Variants in MAP2K6 observed in about 807,000 individuals in gnomAD.
MAP2K6 encodes the protein dual specificity mitogen-activated protein kinase kinase 6.
In MAP2K6, 16 loss-of-function variants were observed where a neutral mutation model predicts 53.7. The observed-to-expected ratio is 0.30, with a 90% CI of 0.20 to 0.45. The LOEUF is 0.45. Among genes scored for constraint, MAP2K6 ranks in the 20% least tolerant of loss-of-function variants. MAP2K6 has a pLI of 1.00. For missense variants in MAP2K6, 204 were observed against 411.9 expected (o/e 0.50, Z 4.37); for synonymous variants, 132 against 143.1 (o/e 0.92, Z 0.55).
At position 69,517,555 on chromosome 17, in the gene MAP2K6, C is replaced by T. The variant is rs1158673417; in HGVS notation, c.188C>T (p.Ala63Val). Residue 63 changes from alanine to valine, a missense_variant, in exon 4 of 12, where the codon GCG becomes GTG. By Grantham distance (64) the Ala-to-Val change is moderately conservative. Around this residue, in one of 3 missense-constraint regions of MAP2K6, gnomAD observed 129 missense variants for 247.1 expected, o/e 0.52. Coordinates refer to ENST00000590474, the MANE Select transcript of MAP2K6 (RefSeq NM_002758.4). Reference sequence around the variant, plus strand: ...CCTATAATGGAACTGGGACGAGGTGCGTACGGGGTGGTGGAGAAGATGCGG... The same window carrying T: ...CCTATAATGGAACTGGGACGAGGTGTGTACGGGGTGGTGGAGAAGATGCGG... ...LEPIMELGRG[A>V]YGVVEKMRHV... The T allele has an allele frequency of 1.2e-6, 2 of 1,609,964 alleles. No homozygotes were observed. The highest frequency in any genetic ancestry group is 1.3e-5 in the African/African-American group (1 of 74,734).
intron 1 of MAP2K6, among the ~76,000 whole-genome samples, chr17:69,457,846 A>G (rs1000635113): frequency 3.9e-5 from 6 of 152,156 alleles, no homozygotes; most frequent in African/African-American, 9.7e-5. Flanking sequence ...AGGATCTCCA[A>G]TCTCACCCCA....
chr17:69,511,556 A>G (rs1046156152), intron 2 of MAP2K6, among the ~76,000 whole-genome samples: 1 of 152,198 alleles, frequency 6.6e-6, no homozygotes, highest in African/African-American at 2.4e-5. Context: ...ATTCTAAATC[A>G]GTTCGATGCT....
chr17:69,441,473 A>G (rs1196219335), intron 1 of MAP2K6, among the ~76,000 whole-genome samples: 1 of 151,738 alleles, frequency 6.6e-6, no homozygotes, highest in Non-Finnish European at 1.5e-5. Flanking sequence ...TAAATTTTCC[A>G]TTTGGTTCTT....
chr17:69,480,561 G>C (rs1218552217), intron 1 of MAP2K6, among the ~76,000 whole-genome samples: 6 of 152,106 alleles, frequency 3.9e-5, no homozygotes, highest in Non-Finnish European at 1.5e-5. Flanking sequence ...AGAGCCACTG[G>C]GTATTTTGGA....
intron 1 of MAP2K6, among the ~76,000 whole-genome samples, chr17:69,449,549 C>A (rs557582699): frequency 0.012 from 1,111 of 96,606 alleles, 6 homozygotes; most frequent in Non-Finnish European, 0.015. Context: ...TTCTTTCTTT[C>A]TTTCTTTCTT....
At position 69,544,061 on chromosome 17, in the gene MAP2K6, TG is replaced by T. The variant is rs1269453376; in HGVS notation, c.*2311del. 6.6e-6 allele frequency: 1 copy of T among 152,250 alleles called. No homozygotes were observed. The highest frequency in any genetic ancestry group is 1.5e-5 in the Non-Finnish European group (1 of 68,046). The allele number at this position is 152,250 out of a possible 1,614,324, so 9.4% of individuals were successfully genotyped here. On this transcript the variant is annotated 3_prime_UTR_variant, in exon 12 of 12. Coordinates refer to ENST00000590474, the MANE Select transcript of MAP2K6 (RefSeq NM_002758.4). ...CCTTCATGTGATTCTGATGTGAAGC[TG>T]GGTTCAGAACACTTATCTAGTACCT... is the stretch of plus-strand genomic sequence containing the variant.
chr17:69,442,236 G>A (rs936770667), intron 1 of MAP2K6, among the ~76,000 whole-genome samples: 3 of 151,998 alleles, frequency 2.0e-5, no homozygotes, highest in Non-Finnish European at 4.4e-5. Flanking sequence ...CCTTCCAAAT[G>A]TGGACGCTTC....
At chr17:69,519,663 C>CT in intron 5 of MAP2K6, 1 of 491,524 alleles carries the variant, frequency 2.0e-6, no homozygotes, top group Non-Finnish European at 3.6e-6. Context: ...CGTCTCCTTT[C>CT]TTTTTTGTTT....
intron 1 of MAP2K6, among the ~76,000 whole-genome samples, chr17:69,463,642 G>A (rs1312909382): frequency 2.0e-5 from 3 of 149,206 alleles, no homozygotes; most frequent in African/African-American, 5.0e-5. Context: ...ACACATATAT[G>A]TATATACATA....
At chr17:69,451,424 T>C (rs1193037042) in intron 1 of MAP2K6, among the ~76,000 whole-genome samples, 1 of 152,226 alleles carries the variant, frequency 6.6e-6, no homozygotes, top group Admixed American at 6.5e-5. Flanking sequence ...ATTTTAGGAC[T>C]CTTCAGTGCA....
chr17:69,451,817 C>A (rs1452288928), intron 1 of MAP2K6, among the ~76,000 whole-genome samples: 3 of 152,108 alleles, frequency 2.0e-5, no homozygotes, highest in African/African-American at 7.2e-5. Flanking sequence ...GGTTCTCTTT[C>A]CCTGAGGGCA....
rs934044616 is a variant in MAP2K6, at chr17:69,539,030, A to T, written c.928-2646A>T. On this transcript the variant is annotated intron_variant, in intron 11 of 11. Coordinates refer to ENST00000590474, the MANE Select transcript of MAP2K6 (RefSeq NM_002758.4). ...TTGGCCTCTGGGTCATAGGTAGCTG[A>T]TCCCTGTCCTAGATGATAATCACCA... Among the ~76,000 whole-genome samples, 43 of 152,346 alleles carry T rather than the reference A, an allele frequency of 2.8e-4. 1 individual carries two copies. Among genetic ancestry groups the T allele is most frequent in the African/African-American group, 1.0e-3 (42 of 41,580 alleles).
chr17:69,548,896 T>A lies in MAP2K6; in HGVS notation c.*7143T>A, dbSNP rs1203237261. 1 of 152,170 alleles carries A rather than the reference T, an allele frequency of 6.6e-6. No individual in the cohort carries two copies. Among genetic ancestry groups the A allele is most frequent in the African/African-American group, 2.4e-5 (1 of 41,446 alleles). 9.4% of individuals were successfully genotyped at this position (152,170 alleles called of 1,614,324 possible). A position where few individuals can be genotyped will look rare whatever the true frequency, so the allele number is the denominator to read the frequency against. ...CCCAGATTTCTTTTTCAAGCAAAACTCCTCTGAAAGCCTCTTTGCTATAGA... is the reference window on the plus strand; with the variant it reads ...CCCAGATTTCTTTTTCAAGCAAAACACCTCTGAAAGCCTCTTTGCTATAGA... On this transcript the variant is annotated 3_prime_UTR_variant, in exon 12 of 12. Coordinates refer to ENST00000590474, the MANE Select transcript of MAP2K6 (RefSeq NM_002758.4).
chr17:69,450,382 G>A (rs1907179595), intron 1 of MAP2K6, among the ~76,000 whole-genome samples: 1 of 152,206 alleles, frequency 6.6e-6, no homozygotes, highest in Non-Finnish European at 1.5e-5. Context: ...AGTAGCATCC[G>A]AAAAGGTTGG....
intron 1 of MAP2K6, among the ~76,000 whole-genome samples, chr17:69,452,360 A>G (rs1907259626): frequency 6.6e-6 from 1 of 152,096 alleles, no homozygotes; most frequent in African/African-American, 2.4e-5. Context: ...GAAGTATAAG[A>G]TGCCTACCTT....
At chr17:69,473,394 C>CTA (rs1400267789) in intron 1 of MAP2K6, among the ~76,000 whole-genome samples, 1 of 152,096 alleles carries the variant, frequency 6.6e-6, no homozygotes, top group Non-Finnish European at 1.5e-5. Context: ...AATTCTATAT[C>CTA]TATGCAAGCA....
intron 1 of MAP2K6, among the ~76,000 whole-genome samples, chr17:69,483,329 A>T (rs1908415111): frequency 6.6e-6 from 1 of 152,096 alleles, no homozygotes; most frequent in Admixed American, 6.6e-5. Context: ...TTGTAAATAA[A>T]ATATGGTGAA....
chr17:69,444,196 C>T lies in MAP2K6; in HGVS notation c.16+29196C>T, dbSNP rs1369366374. Among the ~76,000 whole-genome samples the T allele has an allele frequency of 5.9e-5, 9 of 152,110 alleles. No individual in the cohort carries two copies. The East Asian group carries it at 1.5e-3, about 26-fold the overall frequency. ...TACAATTTGGTTACTTTTGGGATTC[C>T]CCCCTTTCATCCCTGTGGTTCACTG... On this transcript the variant is annotated intron_variant, in intron 1 of 11. Coordinates refer to ENST00000590474, the MANE Select transcript of MAP2K6 (RefSeq NM_002758.4).
intron 7 of MAP2K6, among the ~76,000 whole-genome samples, chr17:69,522,713 T>A (rs1910543202): frequency 1.3e-5 from 2 of 152,076 alleles, no homozygotes; most frequent in Admixed American, 6.5e-5. Context: ...TTATGATCCT[T>A]TACACTATGT....
Sources: allele counts gnomAD v4.1 joint callset (sites outside exome capture counted in the v4.1 genomes callset), GRCh38; gene constraint gnomAD v4.1.1; regional missense constraint gnomAD v4.1.1; transcripts MANE v1.5; gene names NCBI Gene and HGNC (gene_info 2026-07-23, HGNC 2026-07-21).